Variants in ZNF649 observed in about 807,000 individuals in gnomAD.
The protein encoded by ZNF649 is zinc finger protein 649.
In ZNF649, 7 loss-of-function variants were observed where a neutral mutation model predicts 14.1. That is an observed-to-expected ratio of 0.49 (90% confidence interval 0.28 to 0.93). The LOEUF (loss-of-function observed/expected upper bound fraction) is 0.93. ZNF649 is among the 40% of genes least tolerant of loss of function. The pLI is 0.10. For synonymous variants in ZNF649, 227 were observed against 212.3 expected, an observed-to-expected ratio of 1.07 and a Z score of -0.60; for missense variants, 544 against 608.1, an observed-to-expected ratio of 0.89 and a Z score of 1.11.
chr19:51,896,688 T>C, intron 3 of ZNF649, 121 bp from the exon 4 acceptor site: 1 of 1,567,742 alleles, frequency 6.4e-7, no homozygotes. Context: ...TAAAGGCTTT[T>C]TTTCTAAGAC....
intron 1 of ZNF649, among the ~76,000 whole-genome samples, 189 bp downstream of exon 1, chr19:51,904,725 T>C (rs2085113592): frequency 6.6e-6 from 1 of 151,824 alleles, no homozygotes; most frequent in South Asian, 2.1e-4. Flanking sequence ...GACCCCAAAC[T>C]CTGACGCCGA....
Position 51,891,113 on chromosome 19 carries a change from A to G in ZNF649, c.1023T>C (p.Thr341=). 1 of 1,614,166 alleles carries G rather than the reference A, an allele frequency of 6.2e-7. No individual in the cohort carries two copies. The highest frequency in any genetic ancestry group is 1.7e-4 in the Middle Eastern group (1 of 6,060). ...GNLNIHQRTH[T]GEKPYGCIDC... is the part of the protein sequence containing the mutation. ...CAATGCATCCATAAGGTTTCTCTCCAGTGTGAGTTCGTTGATGTATGTTGA... is the reference window on the plus strand; with the variant it reads ...CAATGCATCCATAAGGTTTCTCTCCGGTGTGAGTTCGTTGATGTATGTTGA... The change falls in exon 5 of 5, where the codon ACT becomes ACC. Residue 341 remains threonine (T), a synonymous_variant. Transcript: ENST00000354957. The surrounding 1 kb of genome is among the most constrained non-coding windows in gnomAD (Gnocchi z 4.2).
chr19:51,898,545 C>G (rs1393875579), intron 2 of ZNF649, among the ~76,000 whole-genome samples: 1 of 151,730 alleles, frequency 6.6e-6, no homozygotes, highest in Admixed American at 6.6e-5. Flanking sequence ...CCTTCCCCCA[C>G]CCCCCACTTC....
At chr19:51,903,008 G>T (rs1304949692) in intron 1 of ZNF649, among the ~76,000 whole-genome samples, 1 of 152,094 alleles carries the variant, frequency 6.6e-6, no homozygotes, top group Non-Finnish European at 1.5e-5. Flanking sequence ...AGCACCAAAG[G>T]TGAGTATTCT....
rs1324744070 is a variant in ZNF649, at chr19:51,890,342, A to G, written c.*276T>C. ...ACAAAGAGAACAAAAGCTAACCCCT[A>G]CCTTGGCCCCCGGAGTAAGAGATAT... On this transcript the variant is annotated 3_prime_UTR_variant, in exon 5 of 5. Transcript: ENST00000354957. 6 of 362,072 alleles carry G rather than the reference A, an allele frequency of 1.7e-5. No homozygotes were observed. Among genetic ancestry groups the G allele is most frequent in the Non-Finnish European group, 3.0e-5 (6 of 201,788 alleles). The allele number at this position is 362,072 out of a possible 1,614,324, so 22.4% of individuals were successfully genotyped here.
chr19:51,891,103 G>T lies in ZNF649; in HGVS notation c.1033C>A (p.Pro345Thr). ...TTGCCACAGTCAATGCATCCATAAGGTTTCTCTCCAGTGTGAGTTCGTTGA... is the reference window on the plus strand; with the variant it reads ...TTGCCACAGTCAATGCATCCATAAGTTTTCTCTCCAGTGTGAGTTCGTTGA... The part of the protein sequence containing the change: ...IHQRTHTGEK[P>T]YGCIDCGKAF... The change falls in exon 5 of 5, where the codon CCT becomes ACT. Residue 345 changes from proline to threonine, a missense_variant. Physicochemically the swap from Pro to Thr is conservative, Grantham distance 38. Coordinates refer to ENST00000354957, the MANE Select transcript of ZNF649 (RefSeq NM_023074.4). The surrounding 1 kb of genome is among the most constrained non-coding windows in gnomAD (Gnocchi z 4.2). 1 of 1,614,172 alleles carries T rather than the reference G, an allele frequency of 6.2e-7. No individual in the cohort carries two copies. Among genetic ancestry groups the T allele is most frequent in the Non-Finnish European group, 8.5e-7 (1 of 1,180,034 alleles).
intron 2 of ZNF649, 149 bp downstream of exon 2, chr19:51,899,944 T>C (rs2085085728): frequency 7.2e-6 from 4 of 556,194 alleles, no homozygotes; most frequent in Admixed American, 3.6e-5. Flanking sequence ...GATCCCACTT[T>C]GTCCTGGATT....
At chr19:51,893,623 CCA>C (rs2085038799) in intron 4 of ZNF649, among the ~76,000 whole-genome samples, 2 of 152,204 alleles carry the variant, frequency 1.3e-5, no homozygotes, top group Non-Finnish European at 2.9e-5. Context: ...GTGGTCCTCT[CCA>C]CACAGCTCTG....
At chr19:51,900,556 A>T (rs1171870690) in intron 1 of ZNF649, 1 of 157,360 alleles carries the variant, frequency 6.4e-6, no homozygotes, top group Non-Finnish European at 1.4e-5. Flanking sequence ...CCTTAAGCAC[A>T]GTGTTTATAA....
intron 2 of ZNF649, among the ~76,000 whole-genome samples, chr19:51,899,027 C>T (rs956595819): frequency 6.6e-6 from 1 of 152,306 alleles, no homozygotes; most frequent in Admixed American, 6.5e-5. Flanking sequence ...TTTCTGGCAA[C>T]CAGCCCCATC....
rs78090981 is a variant in ZNF649, at chr19:51,897,198, G to A, written c.16-220C>T. Reference sequence around the variant, plus strand: ...TCTGCTTATGTTACTCTGTATAAGCGAGTTTCACATCCTGAGAATACTATA... The same window carrying A: ...TCTGCTTATGTTACTCTGTATAAGCAAGTTTCACATCCTGAGAATACTATA... On this transcript the variant is annotated intron_variant, in intron 2 of 4. Coordinates refer to ENST00000354957, the MANE Select transcript of ZNF649 (RefSeq NM_023074.4). The A allele has an allele frequency of 3.2e-3, 1,691 of 529,440 alleles. 25 individuals carry two copies. Among genetic ancestry groups the A allele is most frequent in the African/African-American group, 0.029 (1,516 of 52,094 alleles). 32.8% of individuals were successfully genotyped at this position (529,440 alleles called of 1,614,324 possible).
intron 4 of ZNF649, among the ~76,000 whole-genome samples, chr19:51,895,229 A>G (rs2122763288): frequency 6.6e-6 from 1 of 152,370 alleles, no homozygotes; most frequent in East Asian, 1.9e-4. Flanking sequence ...ATTGTAGTGT[A>G]TTAAAAACCA....
rs1018186973 is a variant in ZNF649 at position 51,904,987 on chromosome 19, A to G, written c.-261T>C. 6.7e-6 allele frequency: 1 copy of G among 148,838 alleles called. No individual in the cohort carries two copies. Among genetic ancestry groups the G allele is most frequent in the African/African-American group, 2.6e-5 (1 of 38,268 alleles). 9.2% of individuals were successfully genotyped at this position (148,838 alleles called of 1,614,324 possible). ...GGCCCTTAAACCCCGGCACTGGCCTATGGCGGCGGACGAGGGCGCGAGTCA... is the reference window on the plus strand; with the variant it reads ...GGCCCTTAAACCCCGGCACTGGCCTGTGGCGGCGGACGAGGGCGCGAGTCA... On this transcript the variant is annotated 5_prime_UTR_variant, in exon 1 of 5. Transcript: ENST00000354957.
intron 4 of ZNF649, 135 bp downstream of exon 4, chr19:51,896,337 T>A (rs1375474205): frequency 3.4e-5 from 24 of 703,576 alleles, no homozygotes; most frequent in Non-Finnish European, 2.0e-5. Context: ...AAAAGAGCTC[T>A]TGTATCCTAG....
Position 51,891,733 on chromosome 19 carries a change from C to G in ZNF649, c.403G>C (p.Asp135His). ...NRKEPAEFNG[D>H]GAFLHDNHEQ... ...TGATTATCATGGAGAAAAGCTCCAT[C>G]TCCATTAAACTCAGCAGGCTCCTTT... The change falls in exon 5 of 5, where the codon GAT becomes CAT. Residue 135 changes from aspartate (D) to histidine (H), a missense_variant. By Grantham distance (81) the Asp-to-His change is moderately conservative. Transcript: ENST00000354957. The surrounding 1 kb of genome is among the most constrained non-coding windows in gnomAD (Gnocchi z 4.2). 1.2e-6 allele frequency: 2 copies of G among 1,613,402 alleles called. No homozygotes were observed. Among genetic ancestry groups the G allele is most frequent in the Non-Finnish European group, 1.7e-6 (2 of 1,179,866 alleles).
Position 51,900,016 on chromosome 19 carries a change from G to A in ZNF649, c.15+77C>T, listed in dbSNP as rs1211228872. 5 of 1,320,596 alleles carry A rather than the reference G, an allele frequency of 3.8e-6. No individual in the cohort carries two copies. The African/African-American group carries it at 4.4e-5, about 12-fold the overall frequency. The allele number at this position is 1,320,596 out of a possible 1,614,324, so 81.8% of individuals were successfully genotyped here. On this transcript the variant is annotated intron_variant, in intron 2 of 4. Transcript: ENST00000354957. The stretch of plus-strand genomic sequence containing the variant: ...ATTTTTTCCAATTTATACTTTTAAT[G>A]TAAATGAACTGATTTCTTCAGACTT...
At chr19:51,899,292 G>A (rs556932894) in intron 2 of ZNF649, among the ~76,000 whole-genome samples, 40 of 152,232 alleles carry the variant, frequency 2.6e-4, no homozygotes, top group African/African-American at 8.2e-4. Flanking sequence ...TTGAACACAG[G>A]GAAGGGCTCT....
At position 51,899,787 on chromosome 19, in the gene ZNF649, A is replaced by G. The variant is rs527808923; in HGVS notation, c.15+306T>C. ...TTTCTCCTCAGAATCAGTGCACATCATGTAACTTACCATGATTCTCTGGGT... is the reference window on the plus strand; with the variant it reads ...TTTCTCCTCAGAATCAGTGCACATCGTGTAACTTACCATGATTCTCTGGGT... On this transcript the variant is annotated intron_variant, in intron 2 of 4. Transcript: ENST00000354957. 19 of 310,894 alleles carry G rather than the reference A, an allele frequency of 6.1e-5. No individual in the cohort carries two copies. The South Asian group carries it at 3.0e-3, about 50-fold the overall frequency. The allele number at this position is 310,894 out of a possible 1,614,324, so 19.3% of individuals were successfully genotyped here.
At chr19:51,901,279 C>A (rs1397769450) in intron 1 of ZNF649, among the ~76,000 whole-genome samples, 1 of 152,070 alleles carries the variant, frequency 6.6e-6, no homozygotes, top group African/African-American at 2.4e-5. Context: ...ACAGCTTAGG[C>A]ACAGTGAGCC....
Sources: allele counts gnomAD v4.1 joint callset (sites outside exome capture counted in the v4.1 genomes callset), GRCh38; gene constraint gnomAD v4.1.1; non-coding constraint Gnocchi (gnomAD v3.1); transcripts MANE v1.5; gene names NCBI Gene and HGNC (gene_info 2026-07-23, HGNC 2026-07-21).